Variants in SLC26A7 observed in about 807,000 individuals in gnomAD.
The protein encoded by SLC26A7 is anion exchange transporter.
A neutral mutation model predicts 82.5 loss-of-function variants in SLC26A7; 59 were observed. The observed-to-expected ratio is 0.72, with a 90% CI of 0.58 to 0.89. The LOEUF (loss-of-function observed/expected upper bound fraction) is 0.89. SLC26A7 is among the 40% of genes least tolerant of loss of function. The pLI is 0.00. For synonymous variants in SLC26A7, 271 were observed against 274.3 expected, an observed-to-expected ratio of 0.99 and a Z score of 0.12; for missense variants, 820 against 793.0, an observed-to-expected ratio of 1.03 and a Z score of -0.41.
At chr8:91,321,373 G>T (rs963401026) in intron 5 of SLC26A7, among the ~76,000 whole-genome samples, 1 of 152,208 alleles carries the variant, frequency 6.6e-6, no homozygotes, top group Non-Finnish European at 1.5e-5. Flanking sequence ...CTTCTGGCAT[G>T]AGGAAAACAC....
intron 11 of SLC26A7, chr8:91,357,446 G>C (rs778437135): frequency 1.3e-5 from 2 of 152,056 alleles, no homozygotes; most frequent in African/African-American, 2.4e-5. Context: ...TAATAGAGGA[G>C]GGTTGAGTAA....
intron 18 of SLC26A7, 191 bp downstream of exon 18, chr8:91,394,230 C>T: frequency 6.2e-7 from 1 of 1,613,304 alleles, no homozygotes; most frequent in East Asian, 2.2e-5. Flanking sequence ...CAGTTATAAA[C>T]TGTTGTTTGA....
chr8:91,291,559 A>G (rs934383672), intron 3 of SLC26A7, among the ~76,000 whole-genome samples: 1 of 152,174 alleles, frequency 6.6e-6, no homozygotes, highest in African/African-American at 2.4e-5. Flanking sequence ...AGATAAAAGA[A>G]AAAGGCAAAA....
At chr8:91,343,813 A>G (rs1455385950) in intron 9 of SLC26A7, 1 of 256,432 alleles carries the variant, frequency 3.9e-6, no homozygotes, top group East Asian at 1.8e-4. Flanking sequence ...CTTTAAATAT[A>G]TAAAATCGAT....
intron 14 of SLC26A7, among the ~76,000 whole-genome samples, chr8:91,367,865 C>T (rs1279088677): frequency 6.6e-6 from 1 of 152,166 alleles, no homozygotes; most frequent in Non-Finnish European, 1.5e-5. Flanking sequence ...AAGATCTTGA[C>T]CCTCCCATTT....
In SLC26A7 at chr8:91,396,730, C is replaced by G. The variant is rs755132456; in HGVS notation, c.*1633C>G. On this transcript the variant is annotated 3_prime_UTR_variant, in exon 19 of 19. Coordinates refer to ENST00000276609, the MANE Select transcript of SLC26A7 (RefSeq NM_052832.4). ...CTCACATTCCCATCAAACACTCTTCCAAGGAAAAGCAGAAGTAATAATTGG... is the reference window on the plus strand; with the variant it reads ...CTCACATTCCCATCAAACACTCTTCGAAGGAAAAGCAGAAGTAATAATTGG... 6.6e-6 allele frequency: 1 copy of G among 151,924 alleles called. No individual in the cohort carries two copies. Among genetic ancestry groups the G allele is most frequent in the Non-Finnish European group, 1.5e-5 (1 of 67,916 alleles). 9.4% of individuals were successfully genotyped at this position (151,924 alleles called of 1,614,324 possible). A position where few individuals can be genotyped will look rare whatever the true frequency, so the allele number is the denominator to read the frequency against.
At chr8:91,240,159 G>A (rs1810454659) in intron 2 of SLC26A7, among the ~76,000 whole-genome samples, 1 of 152,098 alleles carries the variant, frequency 6.6e-6, no homozygotes, top group African/African-American at 2.4e-5. Context: ...GTTCTGGTTG[G>A]TTGTCTGCTT....
At chr8:91,359,790 G>A (rs139379847) in intron 11 of SLC26A7, among the ~76,000 whole-genome samples, 2 of 152,180 alleles carry the variant, frequency 1.3e-5, no homozygotes, top group Admixed American at 6.6e-5. Context: ...TGTGGATATA[G>A]GCTATATACC....
chr8:91,210,558 CACAG>C (rs745329168), intron 1 of SLC26A7, among the ~76,000 whole-genome samples: 1 of 100,972 alleles, frequency 9.9e-6, no homozygotes, highest in African/African-American at 3.9e-5. Context: ...CACACACACA[CACAG>C]ACACACACAC....
At chr8:91,285,270 C>T (rs907425022) in intron 2 of SLC26A7, among the ~76,000 whole-genome samples, 1 of 152,054 alleles carries the variant, frequency 6.6e-6, no homozygotes, top group East Asian at 1.9e-4. Context: ...CGTCATGTGG[C>T]GTTCACACGC....
intron 3 of SLC26A7, among the ~76,000 whole-genome samples, chr8:91,292,855 T>C (rs1028644595): frequency 2.0e-5 from 3 of 152,160 alleles, no homozygotes; most frequent in African/African-American, 7.2e-5. Context: ...ACAGCATTGT[T>C]GTAGGAACCA....
At position 91,308,246 on chromosome 8, in the gene SLC26A7, GGTGTGTGTGTGTGTGTGTGT is replaced by G. The variant is rs35920887; in HGVS notation, c.478-9955_478-9936del. ...GCGTTATATGTTTTTAGGAGGAAGA[GGTGTGTGTGTGTGTGTGTGT>G]GTGTGTGTGTGTGTCTACATATAAT... On this transcript the variant is annotated intron_variant, in intron 4 of 18. Coordinates refer to ENST00000276609, the MANE Select transcript of SLC26A7 (RefSeq NM_052832.4). Among the ~76,000 whole-genome samples, 7 of 145,748 alleles carry G rather than the reference GGTGTGTGTGTGTGTGTGTGT, an allele frequency of 4.8e-5. No individual in the cohort carries two copies. The East Asian group carries it at 1.2e-3, about 25-fold the overall frequency.
At chr8:91,331,644 T>G (rs1287471254) in intron 5 of SLC26A7, among the ~76,000 whole-genome samples, 1 of 152,138 alleles carries the variant, frequency 6.6e-6, no homozygotes, top group Non-Finnish European at 1.5e-5. Flanking sequence ...AATGTGATGT[T>G]TTGATATATA....
chr8:91,342,604 T>G (rs1211803624), intron 8 of SLC26A7, among the ~76,000 whole-genome samples: 4 of 152,146 alleles, frequency 2.6e-5, no homozygotes, highest in Non-Finnish European at 5.9e-5. Flanking sequence ...AATTGGAACT[T>G]CAAATAGGGA....
chr8:91,344,474 A>G (rs1166234644), intron 9 of SLC26A7, among the ~76,000 whole-genome samples: 2 of 152,206 alleles, frequency 1.3e-5, no homozygotes, highest in African/African-American at 2.4e-5. Flanking sequence ...TCAAACATTC[A>G]TTGGGAGTCT....
intron 13 of SLC26A7, among the ~76,000 whole-genome samples, chr8:91,364,560 G>C (rs1814138288): frequency 6.6e-6 from 1 of 152,048 alleles, no homozygotes. Context: ...TGGGAATTTA[G>C]TGCTTGTGCA....
At chr8:91,247,813 A>T (rs1345380283), upstream of SLC26A7, among the ~76,000 whole-genome samples, 1 of 152,126 alleles carries the variant, frequency 6.6e-6, no homozygotes, top group Non-Finnish European at 1.5e-5. Flanking sequence ...TGGTGATTTC[A>T]GTTAAGCTTT....
At position 91,318,196 on chromosome 8, in the gene SLC26A7, C is replaced by G. The variant is rs138240072; in HGVS notation, c.478-20C>G. On this transcript the variant is annotated intron_variant, in intron 4 of 18. Transcript: ENST00000276609. ...GGAGTTTCATCTGAAGTTCATCTCA[C>G]TTCTCCCTTCTCCTCTTAGGTGGCC... The G allele has an allele frequency of 2.5e-6, 4 of 1,575,288 alleles. No individual in the cohort carries two copies. The highest frequency in any genetic ancestry group is 2.6e-6 in the Non-Finnish European group (3 of 1,157,568).
chr8:91,288,208 T>G (rs1328613390), intron 2 of SLC26A7, among the ~76,000 whole-genome samples: 2 of 152,234 alleles, frequency 1.3e-5, no homozygotes, highest in Non-Finnish European at 2.9e-5. Flanking sequence ...AATAATTACC[T>G]GCCTCATATT....
Sources: allele counts gnomAD v4.1 joint callset (sites outside exome capture counted in the v4.1 genomes callset), GRCh38; gene constraint gnomAD v4.1.1; transcripts MANE v1.5; gene names NCBI Gene and HGNC (gene_info 2026-07-23, HGNC 2026-07-21).